INPP4B: variants seen among roughly 807,000 people sequenced by gnomAD.
INPP4B encodes the protein inositol polyphosphate-4-phosphatase type II B.
A neutral mutation model predicts 122.5 loss-of-function variants in INPP4B; 55 were observed. The observed-to-expected ratio is 0.45, with a 90% CI of 0.36 to 0.56. INPP4B has a LOEUF of 0.56. Among genes scored for constraint, INPP4B ranks in the 20% least tolerant of loss-of-function variants. INPP4B has a pLI of 0.00. For synonymous variants in INPP4B, 403 were observed against 388.7 expected (o/e 1.04, Z -0.43); for missense variants, 1,000 against 1,097.7 (o/e 0.91, Z 1.26).
chr4:142,268,861 A>G (rs1006442357), intron 10 of INPP4B, among the ~76,000 whole-genome samples: 2 of 152,182 alleles, frequency 1.3e-5, no homozygotes, highest in Non-Finnish European at 1.5e-5. Flanking sequence ...ACTGAAACAC[A>G]CAAAAAACTG....
At chr4:142,267,377 T>C (rs148394941) in intron 10 of INPP4B, among the ~76,000 whole-genome samples, 7 of 152,126 alleles carry the variant, frequency 4.6e-5, no homozygotes, top group Admixed American at 3.9e-4. Context: ...CATTGACCGA[T>C]GGAACAGGGC....
At chr4:142,342,046 T>C (rs1272492265) in intron 7 of INPP4B, among the ~76,000 whole-genome samples, 6 of 152,152 alleles carry the variant, frequency 3.9e-5, no homozygotes, top group Non-Finnish European at 7.4e-5. Context: ...AATACATATA[T>C]GTTGTGTTAA....
chr4:142,317,488 C>T lies in INPP4B; in HGVS notation c.373-2726G>A, dbSNP rs191273362. 250 of 278,010 alleles carry T rather than the reference C, an allele frequency of 9.0e-4. 1 individual carries two copies. The highest frequency in any genetic ancestry group is 8.6e-3 in the Admixed American group (215 of 25,100). The allele number at this position is 278,010 out of a possible 1,614,324, so 17.2% of individuals were successfully genotyped here. On this transcript the variant is annotated intron_variant, in intron 7 of 25. Transcript: ENST00000262992. ...AAATCAATGAAACTGAGTATTCCAA[C>T]GCGCATTATCCAGGGAGATGGTGTT...
At chr4:142,123,599 A>G (rs770065272) in intron 19 of INPP4B, among the ~76,000 whole-genome samples, 184 bp from the exon 20 acceptor site, 10 of 152,192 alleles carry the variant, frequency 6.6e-5, no homozygotes, top group Non-Finnish European at 1.5e-4. Flanking sequence ...CTGTGTATAA[A>G]AGTCTTGGGG....
intron 2 of INPP4B, among the ~76,000 whole-genome samples, chr4:142,618,042 G>A (rs918973368): frequency 2.0e-5 from 3 of 152,014 alleles, no homozygotes; most frequent in Non-Finnish European, 2.9e-5. Context: ...CCTTTTTAAA[G>A]GGAATTAAAG....
At chr4:142,669,061 AAAAT>A (rs1756600027) in intron 2 of INPP4B, among the ~76,000 whole-genome samples, 1 of 152,094 alleles carries the variant, frequency 6.6e-6, no homozygotes, top group African/African-American at 2.4e-5. Flanking sequence ...GCCTCAAAAG[AAAAT>A]AAATAAAAAT....
At chr4:142,177,448 A>C (rs923144205) in intron 15 of INPP4B, among the ~76,000 whole-genome samples, 32 of 152,168 alleles carry the variant, frequency 2.1e-4, no homozygotes, top group African/African-American at 7.0e-4. Flanking sequence ...TAGTAGTATG[A>C]AATTTAAACT....
chr4:142,223,928 C>T (rs1009009222), intron 12 of INPP4B, among the ~76,000 whole-genome samples: 6 of 152,086 alleles, frequency 3.9e-5, no homozygotes, highest in Admixed American at 1.3e-4. Flanking sequence ...AACACATCTA[C>T]GAAGTTTATT....
chr4:142,440,290 G>C (rs555496854), intron 3 of INPP4B, among the ~76,000 whole-genome samples: 30 of 152,314 alleles, frequency 2.0e-4, no homozygotes, highest in African/African-American at 6.7e-4. Flanking sequence ...GATATTATCA[G>C]AGTATAGGGC....
intron 11 of INPP4B, among the ~76,000 whole-genome samples, chr4:142,245,558 G>T (rs577962886): frequency 6.6e-6 from 1 of 151,864 alleles, no homozygotes; most frequent in South Asian, 2.1e-4. Flanking sequence ...TTTTTTTGTT[G>T]TGTCTCGGCC....
At chr4:142,187,403 G>A (rs983020108) in intron 15 of INPP4B, among the ~76,000 whole-genome samples, 5 of 151,986 alleles carry the variant, frequency 3.3e-5, no homozygotes, top group African/African-American at 1.2e-4. Flanking sequence ...CTACGAGACT[G>A]ACATTTTTAA....
chr4:142,683,177 G>A (rs750799171), intron 2 of INPP4B, among the ~76,000 whole-genome samples: 12 of 152,020 alleles, frequency 7.9e-5, no homozygotes, highest in South Asian at 2.1e-4. Context: ...TTGTCACCCT[G>A]AAATAAAAGG....
intron 15 of INPP4B, among the ~76,000 whole-genome samples, chr4:142,182,279 T>A (rs1315424781): frequency 6.6e-6 from 1 of 152,140 alleles, no homozygotes; most frequent in Non-Finnish European, 1.5e-5. Flanking sequence ...CCGGGCACGG[T>A]GGCTCACGCC....
At chr4:142,211,031 G>A (rs1403525345) in intron 12 of INPP4B, among the ~76,000 whole-genome samples, 6 of 152,188 alleles carry the variant, frequency 3.9e-5, no homozygotes, top group African/African-American at 1.4e-4. Flanking sequence ...AATTTATACA[G>A]AGAAGTATAC....
chr4:142,615,983 G>A lies in INPP4B; in HGVS notation c.-191+109856C>T, dbSNP rs1743604311. 5.3e-5 allele frequency among the ~76,000 whole-genome samples: 8 copies of A among 152,028 alleles called. 1 individual carries two copies. On this transcript the variant is annotated intron_variant, in intron 2 of 25. Coordinates refer to ENST00000262992, the MANE Select transcript of INPP4B (RefSeq NM_001101669.3). ...TATACAAAATATGAGACTTAAAGAG[G>A]GGCCATATGTTTGAGGCTTAAATAA...
At chr4:142,740,123 A>T (rs1054084872) in intron 1 of INPP4B, among the ~76,000 whole-genome samples, 4 of 152,050 alleles carry the variant, frequency 2.6e-5, no homozygotes, top group Non-Finnish European at 5.9e-5. Context: ...TTCTTCTAGG[A>T]TTCAACAATT....
Position 142,081,964 on chromosome 4 carries a change from GA to G in INPP4B, c.2642+66del, listed in dbSNP as rs1007250830. On this transcript the variant is annotated intron_variant, in intron 25 of 25. Transcript: ENST00000262992. ...AGTCCTCCAATAAAATATGTATTTT[GA>G]AAAAAAAAATAAAAACAACTCAAAA... The G allele has an allele frequency of 1.2e-3, 1,207 of 998,238 alleles. 1 individual carries two copies. Among genetic ancestry groups the G allele is most frequent in the Middle Eastern group, 3.3e-3 (12 of 3,634 alleles). 61.8% of individuals were successfully genotyped at this position (998,238 alleles called of 1,614,324 possible).
intron 18 of INPP4B, among the ~76,000 whole-genome samples, chr4:142,128,484 G>A (rs3775649): frequency 2.0e-5 from 3 of 151,650 alleles, no homozygotes; most frequent in Non-Finnish European, 4.4e-5. Context: ...AACTAGCCTC[G>A]CAGGCACTAA....
intron 2 of INPP4B, among the ~76,000 whole-genome samples, chr4:142,543,172 T>G (rs776564657): frequency 2.6e-5 from 4 of 152,164 alleles, no homozygotes; most frequent in Non-Finnish European, 4.4e-5. Flanking sequence ...TACATTTAAA[T>G]GTATTAATCC....
Sources: gnomAD v4.1 joint callset for allele counts (sites outside exome capture counted in the v4.1 genomes callset) on GRCh38, gnomAD v4.1.1 for gene constraint, MANE v1.5 for transcripts, NCBI Gene and HGNC (gene_info 2026-07-23, HGNC 2026-07-21) for gene names.